The following LGSN variants were observed in gnomAD, a reference collection of about 807,000 sequenced individuals.
LGSN encodes the protein lengsin.
In LGSN, 21 loss-of-function variants were observed where a neutral mutation model predicts 19.5. The observed-to-expected ratio is 1.07, with a 90% confidence interval of 0.76 to 1.55. LGSN has a LOEUF of 1.55. Among genes scored for constraint, LGSN ranks in the 40% most tolerant of loss-of-function variants. LGSN has a pLI of 0.00. For missense variants in LGSN, 673 were observed against 608.5 expected, an observed-to-expected ratio of 1.11 and a Z score of -1.12; for synonymous variants, 257 against 215.6, an observed-to-expected ratio of 1.19 and a Z score of -1.68.
At chr6:63,528,313 T>C in the LGSN span, among the ~76,000 whole-genome samples, 22 of 152,298 alleles carry the variant, frequency 1.4e-4, no homozygotes, top group African/African-American at 5.1e-4. Context: ...AGAATAGCAT[T>C]GGCTGGGCAC....
chr6:63,430,274 A>C, the LGSN span, among the ~76,000 whole-genome samples: 8 of 152,112 alleles, frequency 5.3e-5, no homozygotes, highest in South Asian at 2.1e-4. Flanking sequence ...CTCTGGTAAC[A>C]TTCCATCTCT....
chr6:63,285,879 G>A (rs1013084455), intron 2 of LGSN, 126 bp from the exon 3 acceptor site: 2 of 712,658 alleles, frequency 2.8e-6, no homozygotes, highest in Non-Finnish European at 4.6e-6. Context: ...CATGTCACTG[G>A]CTTAGAGTTG....
chr6:63,505,565 A>AAAG, the LGSN span, among the ~76,000 whole-genome samples: 5 of 58,642 alleles, frequency 8.5e-5, no homozygotes, highest in African/African-American at 2.6e-4. Flanking sequence ...AAAAAAAAAA[A>AAAG]AAAGAAAGAA....
At chr6:63,352,478 T>A in the LGSN span, among the ~76,000 whole-genome samples, 1 of 152,030 alleles carries the variant, frequency 6.6e-6, no homozygotes, top group Non-Finnish European at 1.5e-5. Context: ...TCTGGCAATA[T>A]AGAGAGTCTC....
chr6:63,475,314 CAAAAA>C, the LGSN span, among the ~76,000 whole-genome samples: 1 of 99,302 alleles, frequency 1.0e-5, no homozygotes, highest in African/African-American at 4.2e-5. Context: ...ATAGATCTGC[CAAAAA>C]AAAAAAAAAA....
chr6:63,487,719 G>T, the LGSN span, among the ~76,000 whole-genome samples: 3 of 152,138 alleles, frequency 2.0e-5, no homozygotes, highest in Non-Finnish European at 4.4e-5. Flanking sequence ...GGTTGCTCAC[G>T]CCTGTAATCC....
the LGSN span, among the ~76,000 whole-genome samples, chr6:63,541,582 T>A: frequency 5.9e-5 from 9 of 152,132 alleles, no homozygotes; most frequent in Non-Finnish European, 1.0e-4. Flanking sequence ...CTAGCACTAA[T>A]AAAGGAATAT....
chr6:63,524,554 T>A, the LGSN span, among the ~76,000 whole-genome samples: 1 of 152,146 alleles, frequency 6.6e-6, no homozygotes, highest in South Asian at 2.1e-4. Context: ...GTTCAATATG[T>A]TTCAAGAAAA....
At chr6:63,478,994 T>G in the LGSN span, among the ~76,000 whole-genome samples, 1 of 152,212 alleles carries the variant, frequency 6.6e-6, no homozygotes, top group African/African-American at 2.4e-5. Flanking sequence ...GAACATGTCT[T>G]TCAGTTGTAC....
chr6:63,302,736 A>G lies in LGSN; in HGVS notation c.31-7691T>C, dbSNP rs1034433862. ...CCTAAATTGAAGAAACGAAATTTGT[A>G]TTTAAGATAATATGAATTCATTGTC... On this transcript the variant is annotated intron_variant, in intron 1 of 3. Transcript: ENST00000370657. Among the ~76,000 whole-genome samples, 9 of 152,322 alleles carry G rather than the reference A, an allele frequency of 5.9e-5. No individual in the cohort carries two copies. In the South Asian group the frequency reaches 1.7e-3, roughly 28 times the overall value.
the LGSN span, among the ~76,000 whole-genome samples, chr6:63,513,724 A>C: frequency 1.3e-5 from 2 of 151,982 alleles, no homozygotes; most frequent in East Asian, 3.9e-4. Context: ...CAGCCTGACC[A>C]AGATGGTGAA....
chr6:63,293,763 T>C (rs553494267), intron 2 of LGSN: 1 of 456,678 alleles, frequency 2.2e-6, no homozygotes, highest in Non-Finnish European at 4.4e-6. Flanking sequence ...GTCCTTGTCA[T>C]CATATGACAG....
chr6:63,505,684 T>C, the LGSN span, among the ~76,000 whole-genome samples: 2 of 150,462 alleles, frequency 1.3e-5, no homozygotes, highest in South Asian at 2.1e-4. Context: ...GTTTTGTTTT[T>C]TGTTTCGCTC....
chr6:63,562,201 C>CTTT, the LGSN span, among the ~76,000 whole-genome samples: 2 of 137,332 alleles, frequency 1.5e-5, no homozygotes, highest in Non-Finnish European at 3.2e-5. Context: ...TTTTCTTTTT[C>CTTT]TTTTTTTTTT....
At chr6:63,572,826 G>C in the LGSN span, 76 of 395,936 alleles carry the variant, frequency 1.9e-4, 1 homozygote, top group East Asian at 2.6e-3. Flanking sequence ...AGGTTGCCCC[G>C]GGTTGCGGTT....
chr6:63,287,883 C>T (rs1240689314), intron 2 of LGSN, among the ~76,000 whole-genome samples: 1 of 152,048 alleles, frequency 6.6e-6, no homozygotes, highest in East Asian at 1.9e-4. Flanking sequence ...ATCTGTGTCT[C>T]CTAAACTTTC....
At position 63,278,127 on chromosome 6, in the gene LGSN, A is replaced by G. The variant is rs1767152761; in HGVS notation, c.*1894T>C. 1 of 152,098 alleles carries G rather than the reference A, an allele frequency of 6.6e-6. No individual in the cohort carries two copies. The highest frequency in any genetic ancestry group is 1.5e-5 in the Non-Finnish European group (1 of 68,024). 9.4% of individuals were successfully genotyped at this position (152,098 alleles called of 1,614,324 possible). ...GAAAAGAAAATGTCCTAAAGAACTT[A>G]TATGCAACACTTCTACTTTCACCTC... On this transcript the variant is annotated 3_prime_UTR_variant, in exon 4 of 4. Coordinates refer to ENST00000370657, the MANE Select transcript of LGSN (RefSeq NM_016571.3).
the LGSN span, among the ~76,000 whole-genome samples, chr6:63,568,520 G>A: frequency 6.6e-6 from 1 of 152,020 alleles, no homozygotes; most frequent in African/African-American, 2.4e-5. Flanking sequence ...CATAACAAAT[G>A]CAATAATAAT....
chr6:63,291,312 GGCTCCTT>G (rs1179605329), intron 2 of LGSN, among the ~76,000 whole-genome samples: 1 of 152,146 alleles, frequency 6.6e-6, no homozygotes, highest in Non-Finnish European at 1.5e-5. Context: ...CTAGGTACCT[GGCTCCTT>G]GTCCGGAGTC....
Sources: gnomAD v4.1 joint callset for allele counts (sites outside exome capture counted in the v4.1 genomes callset) on GRCh38, gnomAD v4.1.1 for gene constraint, MANE v1.5 for transcripts, NCBI Gene and HGNC (gene_info 2026-07-23, HGNC 2026-07-21) for gene names.